Variants in ZNF839 observed in about 807,000 individuals in gnomAD.
ZNF839 encodes the protein renal carcinoma antigen NY-REN-50.
ZNF839 carries 38 observed loss-of-function variants against 56.4 expected under a neutral mutation model. The ratio of observed to expected loss-of-function variants is 0.67; its 90% confidence interval spans 0.52 to 0.88. The LOEUF (loss-of-function observed/expected upper bound fraction) is 0.88, where lower values mean the gene tolerates loss of function less well. ZNF839 is among the 40% of genes least tolerant of loss of function. The probability of loss-of-function intolerance (pLI) is 0.00; values close to 1 mark genes in which losing one functional copy is unlikely to be tolerated. For missense variants in ZNF839, 1,091 were observed against 1,177.6 expected (o/e 0.93, Z 1.08); for synonymous variants, 486 against 493.5 (o/e 0.98, Z 0.20).
upstream of ZNF839, among the ~76,000 whole-genome samples, chr14:102,317,952 C>T (rs2072945221): frequency 6.6e-6 from 1 of 152,166 alleles, no homozygotes. Context: ...CATTTTATGT[C>T]AGGATCCGGC....
In ZNF839 at chr14:102,341,333, TC is replaced by T; in HGVS notation, c.1940del (p.Pro647GlnfsTer2). On this transcript the variant is annotated frameshift_variant, in exon 8 of 8. Transcript: ENST00000442396. LOFTEE classifies it low-confidence loss of function (END_TRUNC). ...LHALAAGFSP[P>X]VNVTVSPRSE... The stretch of plus-strand genomic sequence containing the variant: ...TCCCAAAATGTTTAGGTTTTTCCCC[TC>T]CAGTAAATGTGACTGTCTCTCCCCG... 6.6e-7 allele frequency: 1 copy of T among 1,518,602 alleles called. No individual in the cohort carries two copies. The highest frequency in any genetic ancestry group is 8.8e-7 in the Non-Finnish European group (1 of 1,133,976). The allele number at this position is 1,518,602 out of a possible 1,614,324, so 94.1% of individuals were successfully genotyped here. A position where few individuals can be genotyped will look rare whatever the true frequency, so the allele number is the denominator to read the frequency against.
rs762105642 is a variant in ZNF839, at chr14:102,326,219, CAG to C, written c.524_525del (p.Gln175ArgfsTer26). The C allele has an allele frequency of 5.6e-5, 91 of 1,613,814 alleles. No individual in the cohort carries two copies. The highest frequency in any genetic ancestry group is 7.5e-5 in the Non-Finnish European group (88 of 1,179,874). On this transcript the variant is annotated frameshift_variant, in exon 2 of 8. Transcript: ENST00000442396. LOFTEE classifies it high-confidence loss of function. The surrounding 1 kb of genome is among the most constrained non-coding windows in gnomAD (Gnocchi z 4.3). ...AAGTGACTTATGCCAACCTCCTGCT[CAG>C]GGGTTTGTACAGAGACCACTGCCAG... The part of the protein sequence containing the change: ...FLSDLCQPPA[Q>X]GFVQRPLPAL...
intron 7 of ZNF839, among the ~76,000 whole-genome samples, chr14:102,340,421 A>G (rs970329087): frequency 2.0e-5 from 3 of 151,598 alleles, no homozygotes; most frequent in African/African-American, 7.3e-5. Context: ...ACAGGCGCCC[A>G]CCACCACATC....
chr14:102,334,494 G>A (rs1326674119), intron 3 of ZNF839, 60 bp from the exon 4 acceptor site: 38 of 1,265,914 alleles, frequency 3.0e-5, no homozygotes, highest in Non-Finnish European at 4.1e-5. Context: ...GCACCAACTT[G>A]TTGGCTATTG....
chr14:102,338,965 T>TG lies in ZNF839; in HGVS notation c.1797+13dup, dbSNP rs764135538. 6.2e-7 allele frequency: 1 copy of TG among 1,613,940 alleles called. No individual in the cohort carries two copies. The highest frequency in any genetic ancestry group is 1.7e-5 in the Admixed American group (1 of 59,998). ...AGAGGGAACGTGAGGTGGGCATGGC[T>TG]GAAGTGGGTGCCAGGTGACTGTGCA... On this transcript the variant is annotated intron_variant, in intron 6 of 7. Transcript: ENST00000442396.
At chr14:102,335,935 T>C in intron 5 of ZNF839, 97 bp downstream of exon 5, 5 of 1,379,126 alleles carry the variant, frequency 3.6e-6, no homozygotes, top group Non-Finnish European at 4.9e-6. Context: ...TCCCAGTGCT[T>C]TGGGAGACTG....
Position 102,326,095 on chromosome 14 carries a change from G to C in ZNF839, c.399G>C (p.Leu133=). ...IQPQTARKSQ[L]PRGNSCLVGL... ...CCCAAACTGCAAGAAAGAGCCAGCT[G>C]CCCCGGGGGAATTCCTGCCTGGTGG... Residue 133 remains leucine (L), a synonymous_variant, in exon 2 of 8, where the codon CTG becomes CTC. Coordinates refer to ENST00000442396, the MANE Select transcript of ZNF839 (RefSeq NM_018335.6). This position sits in a 1 kb window ranked among gnomAD's most constrained non-coding sequence, Gnocchi z 4.3. 1 of 1,613,976 alleles carries C rather than the reference G, an allele frequency of 6.2e-7. No individual in the cohort carries two copies. Among genetic ancestry groups the C allele is most frequent in the Non-Finnish European group, 8.5e-7 (1 of 1,179,872 alleles).
chr14:102,334,580 T>C lies in ZNF839; in HGVS notation c.1443T>C (p.Asp481=). ...KEFLQQCDRE[D]LVELALPQLA... ...TCCTCCAGCAGTGTGACCGGGAGGA[T>C]CTGGTGGAATTGGCTCTGCCTCAGC... Residue 481 remains aspartate (D), a synonymous_variant, in exon 4 of 8, where the codon GAT becomes GAC. Transcript: ENST00000442396. The C allele has an allele frequency of 6.2e-7, 1 of 1,612,216 alleles. No homozygotes were observed. Among genetic ancestry groups the C allele is most frequent in the Non-Finnish European group, 8.5e-7 (1 of 1,179,194 alleles).
At position 102,319,873 on chromosome 14, in the gene ZNF839, G is replaced by A. The variant is rs2073024834; in HGVS notation, c.108G>A (p.Leu36=). The A allele has an allele frequency of 1.0e-5, 13 of 1,286,608 alleles. No individual in the cohort carries two copies. The highest frequency in any genetic ancestry group is 1.3e-5 in the Non-Finnish European group (13 of 1,016,448). The allele number at this position is 1,286,608 out of a possible 1,614,324, so 79.7% of individuals were successfully genotyped here. A position where few individuals can be genotyped will look rare whatever the true frequency, so the allele number is the denominator to read the frequency against. ...QSGSVARVAP[L]GPEQLRQVLE... is the part of the protein sequence containing the mutation. ...GCAGCGTCGCACGTGTGGCCCCGCT[G>A]GGCCCCGAGCAGCTGCGGCAGGTCC... The change falls in exon 1 of 8, where the codon CTG becomes CTA. Residue 36 remains leucine (L), a synonymous_variant. Coordinates refer to ENST00000442396, the MANE Select transcript of ZNF839 (RefSeq NM_018335.6). The surrounding 1 kb of genome is among the most constrained non-coding windows in gnomAD (Gnocchi z 4.5).
upstream of ZNF839, chr14:102,319,635 C>T (rs1285654348): frequency 4.2e-6 from 5 of 1,196,576 alleles, no homozygotes; most frequent in African/African-American, 1.6e-5. This position sits in a 1 kb window ranked among gnomAD's most constrained non-coding sequence, Gnocchi z 4.5. Context: ...CACGACTTTC[C>T]CGGCCAGACA....
At position 102,341,819 on chromosome 14, in the gene ZNF839, C is replaced by T. The variant is rs1180640875; in HGVS notation, c.2424C>T (p.Ser808=). 9 of 1,613,904 alleles carry T rather than the reference C, an allele frequency of 5.6e-6. No homozygotes were observed. Among genetic ancestry groups the T allele is most frequent in the Admixed American group, 3.3e-5 (2 of 60,004 alleles). The part of the protein sequence containing the change: ...PPLEKILSVD[S]VAVDCAYRTV... ...TTGAGAAAATTTTGTCTGTGGATAG[C>T]GTGGCAGTGGACTGTGCCTACAGGA... Residue 808 remains serine, a synonymous_variant, in exon 8 of 8, where the codon AGC becomes AGT. Coordinates refer to ENST00000442396, the MANE Select transcript of ZNF839 (RefSeq NM_018335.6).
intron 1 of ZNF839, among the ~76,000 whole-genome samples, chr14:102,324,759 G>A (rs892487678): frequency 1.3e-4 from 19 of 151,904 alleles, no homozygotes; most frequent in African/African-American, 3.6e-4. Context: ...TTCGAGACCA[G>A]CCTGAATGGT....
intron 1 of ZNF839, among the ~76,000 whole-genome samples, chr14:102,321,933 G>A (rs144000831): frequency 2.0e-5 from 3 of 152,276 alleles, no homozygotes; most frequent in African/African-American, 4.8e-5. Context: ...CAGCAGCACA[G>A]ACCAATGGAC....
chr14:102,326,599 T>C lies in ZNF839; in HGVS notation c.903T>C (p.Phe301=), dbSNP rs374840097. ...ATCAGAGGGAGAGGCACGCACTCTT[T>C]GACTTATCGAGCTGCTCCCTGAGGC... ...DEDQRERHAL[F]DLSSCSLRPK... The change falls in exon 2 of 8, where the codon TTT becomes TTC. Residue 301 remains phenylalanine, a synonymous_variant. Transcript: ENST00000442396. This position sits in a 1 kb window ranked among gnomAD's most constrained non-coding sequence, Gnocchi z 4.3. 4.0e-5 allele frequency: 64 copies of C among 1,613,744 alleles called. 1 individual carries two copies. The highest frequency in any genetic ancestry group is 5.2e-5 in the Non-Finnish European group (61 of 1,179,846).
At position 102,319,837 on chromosome 14, in the gene ZNF839, G is replaced by A. The variant is rs570542134; in HGVS notation, c.72G>A (p.Pro24=). 130 of 1,243,710 alleles carry A rather than the reference G, an allele frequency of 1.0e-4. No homozygotes were observed. The East Asian group carries it at 3.2e-3, about 30-fold the overall frequency. 77.0% of individuals were successfully genotyped at this position (1,243,710 alleles called of 1,614,324 possible). ...DGGGGGGPAP[P]GQSGSVARVA... is the part of the protein sequence containing the mutation. ...GCGGCGGCGGCGGCCCGGCTCCTCC[G>A]GGCCAGAGCGGCAGCGTCGCACGTG... is the stretch of plus-strand genomic sequence containing the variant. The change falls in exon 1 of 8, where the codon CCG becomes CCA. Residue 24 remains proline, a synonymous_variant. Transcript: ENST00000442396. This position sits in a 1 kb window ranked among gnomAD's most constrained non-coding sequence, Gnocchi z 4.5.
chr14:102,328,475 T>G (rs1420949617), intron 2 of ZNF839, among the ~76,000 whole-genome samples: 5 of 145,056 alleles, frequency 3.4e-5, no homozygotes, highest in Non-Finnish European at 6.0e-5. Flanking sequence ...ATCTTAACCA[T>G]ATTTAAGTGT....
intron 1 of ZNF839, among the ~76,000 whole-genome samples, chr14:102,322,671 C>A (rs1156484413): frequency 1.3e-5 from 2 of 152,128 alleles, no homozygotes; most frequent in Non-Finnish European, 2.9e-5. Flanking sequence ...CTCAAATGAT[C>A]CTCACACCTC....
chr14:102,341,422 C>A lies in ZNF839; in HGVS notation c.2027C>A (p.Pro676Gln). ...AATGGGAGCGTGTTCCAGGCGGGCC[C>A]GCAGCTTCAGGCACTGGCTAACTTA... is the stretch of plus-strand genomic sequence containing the variant. ...GGNGSVFQAG[P>Q]QLQALANLEA... The change falls in exon 8 of 8, where the codon CCG becomes CAG. Residue 676 changes from proline (P) to glutamine (Q), a missense_variant. Physicochemically the swap from Pro to Gln is moderately conservative, Grantham distance 76 (BLOSUM62 -1). Around this residue, in one of 3 missense-constraint regions of ZNF839, gnomAD observed 431 missense variants for 468.0 expected, o/e 0.92. Coordinates refer to ENST00000442396, the MANE Select transcript of ZNF839 (RefSeq NM_018335.6). 1.3e-6 allele frequency: 2 copies of A among 1,589,164 alleles called. No homozygotes were observed. The highest frequency in any genetic ancestry group is 8.6e-7 in the Non-Finnish European group (1 of 1,167,392).
At chr14:102,331,461 G>T in intron 2 of ZNF839, 161 bp from the exon 3 acceptor site, 1 of 612,284 alleles carries the variant, frequency 1.6e-6, no homozygotes, top group Non-Finnish European at 2.9e-6. Context: ...TGCTGGCCAG[G>T]TCGGTCTCAA....
Sources: gnomAD v4.1 joint callset for allele counts (sites outside exome capture counted in the v4.1 genomes callset) on GRCh38, gnomAD v4.1.1 for gene constraint, gnomAD v4.1.1 regional missense constraint, Gnocchi (gnomAD v3.1) non-coding constraint, MANE v1.5 for transcripts, NCBI Gene and HGNC (gene_info 2026-07-23, HGNC 2026-07-21) for gene names.